TTN: variants seen among roughly 807,000 people sequenced by gnomAD.
TTN encodes the protein connectin.
A neutral mutation model predicts 3,223.0 loss-of-function variants in TTN; 1,525 were observed. That is an observed-to-expected ratio of 0.47 (90% CI 0.45 to 0.49). The LOEUF is 0.49. Among genes scored for constraint, TTN ranks in the 20% least tolerant of loss-of-function variants. The pLI is 0.00. For synonymous variants in TTN, 14,094 were observed against 15,161.0 expected, an observed-to-expected ratio of 0.93 and a Z score of 5.17; for missense variants, 40,786 against 43,424.0, an observed-to-expected ratio of 0.94 and a Z score of 5.40.
At chr2:178,766,941 T>G (rs1044330496) in intron 40 of TTN, among the ~76,000 whole-genome samples, 2 of 152,216 alleles carry the variant, frequency 1.3e-5, no homozygotes, top group African/African-American at 2.4e-5. Flanking sequence ...GGGGGCTTTT[T>G]ATTGTCTAAA....
rs760279482 is a variant in TTN, at chr2:178,681,196, A to G, written c.33248-25T>C. ...ACTTTAAAGATATTAATTATTAAAGAGCATTAAAACCAACTCCTTGAATAC... is the reference window on the plus strand; with the variant it reads ...ACTTTAAAGATATTAATTATTAAAGGGCATTAAAACCAACTCCTTGAATAC... On this transcript the variant is annotated intron_variant, in intron 137 of 362. Coordinates refer to ENST00000589042, the MANE Select transcript of TTN (RefSeq NM_001267550.2). 7.6e-6 allele frequency: 12 copies of G among 1,575,332 alleles called. No individual in the cohort carries two copies. The African/African-American group carries it at 1.6e-4, about 22-fold the overall frequency.
At chr2:178,688,065 C>A in intron 127 of TTN, 46 bp downstream of exon 127, 2 of 1,526,500 alleles carry the variant, frequency 1.3e-6, no homozygotes, top group Non-Finnish European at 9.0e-7. Flanking sequence ...AAAGAAAACA[C>A]CTCATCAAAA....
intron 37 of TTN, 65 bp downstream of exon 37, chr2:178,769,614 G>T: frequency 2.3e-6 from 3 of 1,306,732 alleles, no homozygotes; most frequent in Admixed American, 4.8e-5. Flanking sequence ...GAATATCAAT[G>T]AATCTACTGA....
chr2:178,528,605 C>T lies in TTN; in HGVS notation c.107146G>A (p.Gly35716Arg). Reference sequence around the variant, plus strand: ...TCACAAGTAAAGAGAACATTTTGTCCTTCATTAATATTTTGAGATCTAGGC... The same window carrying T: ...TCACAAGTAAAGAGAACATTTTGTCTTTCATTAATATTTTGAGATCTAGGC... ...SQPRSQNINE[G>R]QNVLFTCEIS... The change falls in exon 360 of 363, where the codon GGA (glycine) becomes AGA (arginine). Residue 35716 changes from glycine (G) to arginine (R), a missense_variant. Gly to Arg is a moderately radical substitution (Grantham distance 125, BLOSUM62 -2). Transcript: ENST00000589042. 1 of 1,612,592 alleles carries T rather than the reference C, an allele frequency of 6.2e-7. No homozygotes were observed. The highest frequency in any genetic ancestry group is 8.5e-7 in the Non-Finnish European group (1 of 1,179,248).
At position 178,608,880 on chromosome 2, in the gene TTN, T is replaced by C. The variant is rs1482870912; in HGVS notation, c.52131A>G (p.Val17377=). 6.2e-7 allele frequency: 1 copy of C among 1,610,968 alleles called. No homozygotes were observed. The highest frequency in any genetic ancestry group is 1.3e-5 in the African/African-American group (1 of 74,906). ...LDTPGPPINF[V]FEDIRKTSVL... ...CTGAGGTCTTTCTGATATCTTCAAATACAAAGTTGATTGGTGGTCCCGGTG... is the reference window on the plus strand; with the variant it reads ...CTGAGGTCTTTCTGATATCTTCAAACACAAAGTTGATTGGTGGTCCCGGTG... The change falls in exon 274 of 363, where the codon GTA becomes GTG. Residue 17377 remains valine, a synonymous_variant. Transcript: ENST00000589042.
rs771812373 is a variant in TTN, at chr2:178,790,734, CTTG to C, written c.1771_1773del (p.Gln591del). The C allele has an allele frequency of 3.7e-6, 6 of 1,614,018 alleles. No individual in the cohort carries two copies. Among genetic ancestry groups the C allele is most frequent in the African/African-American group, 2.7e-5 (2 of 74,926 alleles). On this transcript the variant is annotated inframe_deletion, in exon 11 of 363. Transcript: ENST00000589042. ...TTTTCATAACTTAGGTGCATTTGAT[CTTG>C]TTGTGTGGTAGTTTCTTCTTGAGCT... is the stretch of plus-strand genomic sequence containing the variant.
chr2:178,618,571 C>A lies in TTN; in HGVS notation c.46966+13G>T. On this transcript the variant is annotated intron_variant, in intron 251 of 362. Coordinates refer to ENST00000589042, the MANE Select transcript of TTN (RefSeq NM_001267550.2). ...TGCTTTGCCAATTAAGTCTGAGAGACCCAAGGGCTTACCAATAACTTTTAA... is the reference window on the plus strand; with the variant it reads ...TGCTTTGCCAATTAAGTCTGAGAGAACCAAGGGCTTACCAATAACTTTTAA... The A allele has an allele frequency of 6.2e-7, 1 of 1,610,554 alleles. No homozygotes were observed. Among genetic ancestry groups the A allele is most frequent in the Non-Finnish European group, 8.5e-7 (1 of 1,178,714 alleles).
intron 270 of TTN, 68 bp downstream of exon 270, chr2:178,610,925 G>A: frequency 1.3e-6 from 2 of 1,575,638 alleles, no homozygotes; most frequent in South Asian, 2.3e-5. Context: ...ATTATTAATA[G>A]CACTGCAAAG....
In TTN at chr2:178,537,047, C is replaced by G. The variant is rs1691911472; in HGVS notation, c.100062G>C (p.Val33354=). 1 of 1,613,140 alleles carries G rather than the reference C, an allele frequency of 6.2e-7. No homozygotes were observed. Among genetic ancestry groups the G allele is most frequent in the East Asian group, 2.2e-5 (1 of 44,806 alleles). ...SAISVTTCRI[V]NLTENAGYYF... is the part of the protein sequence containing the mutation. ...AATAGCCAGCATTTTCTGTGAGGTT[C>G]ACAATTCTACAGGTTGTCACTGAGA... The change falls in exon 356 of 363, where the codon GTG becomes GTC. Residue 33354 remains valine, a synonymous_variant. Coordinates refer to ENST00000589042, the MANE Select transcript of TTN (RefSeq NM_001267550.2).
Position 178,582,454 on chromosome 2 carries a change from G to C in TTN, c.66002C>G (p.Pro22001Arg), listed in dbSNP as rs777788378. ...YIVDKRETSR[P>R]NWAQVSATVP... ...AGTTGCAGAGACTTGAGCCCAGTTG[G>C]GCCTGCTTGTTTCACGTTTGTCAAC... is the stretch of plus-strand genomic sequence containing the variant. Residue 22001 changes from proline to arginine, a missense_variant, in exon 314 of 363, where the codon CCC becomes CGC. Pro to Arg is a moderately radical substitution (Grantham distance 103). Coordinates refer to ENST00000589042, the MANE Select transcript of TTN (RefSeq NM_001267550.2). 3 of 1,612,924 alleles carry C rather than the reference G, an allele frequency of 1.9e-6. No individual in the cohort carries two copies. Among genetic ancestry groups the C allele is most frequent in the Middle Eastern group, 3.3e-4 (2 of 6,056 alleles).
Position 178,701,715 on chromosome 2 carries a change from G to C in TTN, c.30539-128C>G. On this transcript the variant is annotated intron_variant, in intron 109 of 362. Transcript: ENST00000589042. ...ATCTAATGGCAGAATCTAATATACAGACAAAATAATATTAGTATTCTTTTG... is the reference window on the plus strand; with the variant it reads ...ATCTAATGGCAGAATCTAATATACACACAAAATAATATTAGTATTCTTTTG... 3.3e-6 allele frequency: 3 copies of C among 922,168 alleles called. No homozygotes were observed. In the South Asian group the frequency reaches 5.4e-5, roughly 17 times the overall value. 57.1% of individuals were successfully genotyped at this position (922,168 alleles called of 1,614,324 possible). A position where few individuals can be genotyped will look rare whatever the true frequency, so the allele number is the denominator to read the frequency against.
At chr2:178,711,833 C>T in intron 96 of TTN, 111 bp downstream of exon 96, 1 of 1,312,798 alleles carries the variant, frequency 7.6e-7, no homozygotes, top group Non-Finnish European at 1.0e-6. Context: ...ATTACTTAAG[C>T]AGAATTTTAA....
intron 111 of TTN, 113 bp downstream of exon 111, chr2:178,701,007 A>T (rs2074866922): frequency 1.2e-6 from 1 of 810,670 alleles, no homozygotes. Context: ...ACATTTTGAA[A>T]GGCAATTCCA....
chr2:178,752,317 G>T (rs1470590712), intron 47 of TTN, among the ~76,000 whole-genome samples: 2 of 152,036 alleles, frequency 1.3e-5, no homozygotes, highest in African/African-American at 4.8e-5. Flanking sequence ...ATGTTCCTGT[G>T]CATATTTGTT....
chr2:178,679,812 A>G (rs907828698), intron 140 of TTN, 82 bp downstream of exon 140: 18 of 1,573,300 alleles, frequency 1.1e-5, no homozygotes, highest in African/African-American at 5.5e-5. Flanking sequence ...GGTGCTGCCA[A>G]TAACCCCCAG....
intron 2 of TTN, among the ~76,000 whole-genome samples, chr2:178,803,794 A>C (rs1408773357): frequency 2.0e-5 from 3 of 152,034 alleles, no homozygotes; most frequent in African/African-American, 7.2e-5. Context: ...TATTTACAAT[A>C]TAGTTCATAC....
chr2:178,670,118 C>A (rs1276271212), intron 157 of TTN, 100 bp downstream of exon 157: 3 of 718,356 alleles, frequency 4.2e-6, no homozygotes, highest in South Asian at 4.0e-5. Context: ...TTATGTCATT[C>A]ATAGCCATCT....
Position 178,718,704 on chromosome 2 carries a change from A to G in TTN, c.24496T>C (p.Phe8166Leu). 1 of 1,613,196 alleles carries G rather than the reference A, an allele frequency of 6.2e-7. No individual in the cohort carries two copies. Among genetic ancestry groups the G allele is most frequent in the Non-Finnish European group, 8.5e-7 (1 of 1,179,402 alleles). The part of the protein sequence containing the change: ...AGSASCTTHL[F>L]VKEPATFVKR... ...GGGGGAAAGAGCAAACCTTTCACAA[A>G]AAGATGTGTGGTACAGGAAGCACTG... Residue 8166 changes from phenylalanine (F) to leucine (L), a missense_variant, in exon 84 of 363, where the codon TTT becomes CTT. By Grantham distance (22) the Phe-to-Leu change is conservative. Coordinates refer to ENST00000589042, the MANE Select transcript of TTN (RefSeq NM_001267550.2).
At position 178,620,270 on chromosome 2, in the gene TTN, C is replaced by T; in HGVS notation, c.46251G>A (p.Glu15417=). 6.5e-7 allele frequency: 1 copy of T among 1,543,756 alleles called. No individual in the cohort carries two copies. The highest frequency in any genetic ancestry group is 8.7e-7 in the Non-Finnish European group (1 of 1,148,382). ...TTCTGTACCATTTTACATTGGCTTT[C>T]TCTCTGGAGAGCTGGCAGGAGAAGA... is the stretch of plus-strand genomic sequence containing the variant. The part of the protein sequence containing the change: ...DAVFSCQLSR[E]KANVKWYRNG... The change falls in exon 248 of 363, where the codon GAG becomes GAA. Residue 15417 remains glutamate, a synonymous_variant. Transcript: ENST00000589042.
Sources: allele counts gnomAD v4.1 joint callset (sites outside exome capture counted in the v4.1 genomes callset), GRCh38; gene constraint gnomAD v4.1.1; transcripts MANE v1.5; gene names NCBI Gene and HGNC (gene_info 2026-07-23, HGNC 2026-07-21).